The following CDC40 variants were observed in gnomAD, a reference collection of about 807,000 sequenced individuals.
CDC40 encodes pre-mRNA-processing factor 17.
A neutral mutation model predicts 80.6 loss-of-function variants in CDC40; 27 were observed. The ratio of observed to expected loss-of-function variants is 0.33; its 90% CI spans 0.25 to 0.46. CDC40 has a LOEUF of 0.46. Ranked by LOEUF, CDC40 falls within the 20% of genes least tolerant of loss-of-function variation. The pLI is 1.00. For synonymous variants in CDC40, 221 were observed against 232.6 expected (o/e 0.95, Z 0.45); for missense variants, 486 against 694.1 (o/e 0.70, Z 3.37).
chr6:110,216,569 G>T (rs1316005121), intron 9 of CDC40, among the ~76,000 whole-genome samples: 1 of 152,142 alleles, frequency 6.6e-6, no homozygotes, highest in Non-Finnish European at 1.5e-5. Flanking sequence ...CCTCCTGAAG[G>T]AGATGATAGA....
chr6:110,228,495 A>G (rs1368286538), intron 13 of CDC40, among the ~76,000 whole-genome samples: 1 of 152,074 alleles, frequency 6.6e-6, no homozygotes, highest in African/African-American at 2.4e-5. Context: ...TCTGTTGTCT[A>G]TACTTACTAT....
In CDC40 at chr6:110,230,006, A is replaced by G. The variant is rs1177147530; in HGVS notation, c.1615A>G (p.Thr539Ala). 6.2e-7 allele frequency: 1 copy of G among 1,612,180 alleles called. No homozygotes were observed. The highest frequency in any genetic ancestry group is 8.5e-7 in the Non-Finnish European group (1 of 1,178,600). ...AAAATTAAACATTTGGGACTGGAAGACCACAAAACTCTACAGTCGATTTAA... is the reference window on the plus strand; with the variant it reads ...AAAATTAAACATTTGGGACTGGAAGGCCACAAAACTCTACAGTCGATTTAA... Reference protein sequence around the residue: ...NGKLNIWDWKTTKLYSRFKAH... With the variant: ...NGKLNIWDWKATKLYSRFKAH... The change falls in exon 15 of 15, where the codon ACC becomes GCC. Residue 539 changes from threonine to alanine, a missense_variant. By Grantham distance (58) the Thr-to-Ala change is moderately conservative (BLOSUM62 0). This residue lies in a region of CDC40 where 88 missense variants were observed against 138.7 expected (regional missense o/e 0.63). Transcript: ENST00000307731.
chr6:110,217,870 A>T, intron 10 of CDC40, 67 bp downstream of exon 10: 1 of 825,062 alleles, frequency 1.2e-6, no homozygotes, highest in Non-Finnish European at 2.0e-6. Context: ...TGGTGTGAGT[A>T]GTCTTTTGTG....
chr6:110,186,068 T>C (rs557858672), intron 1 of CDC40, among the ~76,000 whole-genome samples: 2 of 152,318 alleles, frequency 1.3e-5, no homozygotes, highest in South Asian at 2.1e-4. Flanking sequence ...ACTCCTACTT[T>C]AGCTGTTGTT....
chr6:110,184,286 T>A (rs80094226), intron 1 of CDC40, among the ~76,000 whole-genome samples: 2 of 152,126 alleles, frequency 1.3e-5, no homozygotes, highest in Admixed American at 1.3e-4. Flanking sequence ...AAAGTTCTGC[T>A]AATACCCAGT....
At chr6:110,206,827 C>A (rs1777569328) in intron 3 of CDC40, among the ~76,000 whole-genome samples, 1 of 152,094 alleles carries the variant, frequency 6.6e-6, no homozygotes, top group Non-Finnish European at 1.5e-5. Flanking sequence ...TTCTAGATTT[C>A]CAAGTGCATC....
At chr6:110,219,323 C>A (rs1777738147) in intron 10 of CDC40, 41 bp from the exon 11 acceptor site, 1 of 938,410 alleles carries the variant, frequency 1.1e-6, no homozygotes, top group South Asian at 1.4e-5. Context: ...TTTAAGTGGT[C>A]AAATTTATTT....
At chr6:110,215,858 C>T (rs1013971300) in intron 9 of CDC40, among the ~76,000 whole-genome samples, 2 of 152,042 alleles carry the variant, frequency 1.3e-5, no homozygotes, top group African/African-American at 4.8e-5. Flanking sequence ...GCGCCTGAAC[C>T]AAAGCAGCAG....
intron 1 of CDC40, among the ~76,000 whole-genome samples, 195 bp from the exon 2 acceptor site, chr6:110,192,983 AAGTC>A (rs1482521341): frequency 3.9e-5 from 6 of 152,194 alleles, no homozygotes; most frequent in Non-Finnish European, 7.3e-5. Flanking sequence ...ATTGTTAATA[AAGTC>A]AGTATTTCAA....
At chr6:110,222,439 C>G (rs886253876) in intron 12 of CDC40, among the ~76,000 whole-genome samples, 1 of 152,010 alleles carries the variant, frequency 6.6e-6, no homozygotes, top group African/African-American at 2.4e-5. Context: ...CGCGTGTAAT[C>G]CCAGCTACTT....
At chr6:110,212,313 TAATG>T in intron 7 of CDC40, 41 bp downstream of exon 7, 1 of 1,599,436 alleles carries the variant, frequency 6.3e-7, no homozygotes, top group African/African-American at 1.3e-5. Context: ...AATGTTATAA[TAATG>T]AAGCCAACGT....
intron 1 of CDC40, among the ~76,000 whole-genome samples, chr6:110,187,298 A>G (rs1475877907): frequency 6.6e-6 from 1 of 152,252 alleles, no homozygotes; most frequent in Non-Finnish European, 1.5e-5. Context: ...GGTTACAAAA[A>G]CAAAAGCAGA....
In CDC40 at chr6:110,231,164, AGT is replaced by A. The variant is rs1295773181; in HGVS notation, c.*1035_*1036del. The stretch of plus-strand genomic sequence containing the variant: ...GCTAGGGTTCCCCAGTTTGAGAAGC[AGT>A]GGCCATGGTGAAAAATAGTTTTTGA... On this transcript the variant is annotated 3_prime_UTR_variant, in exon 15 of 15. Coordinates refer to ENST00000307731, the MANE Select transcript of CDC40 (RefSeq NM_015891.3). The A allele has an allele frequency of 1.3e-5, 2 of 152,210 alleles. No individual in the cohort carries two copies. Among genetic ancestry groups the A allele is most frequent in the Admixed American group, 1.3e-4 (2 of 15,278 alleles). The allele number at this position is 152,210 out of a possible 1,614,324, so 9.4% of individuals were successfully genotyped here. A position where few individuals can be genotyped will look rare whatever the true frequency, so the allele number is the denominator to read the frequency against.
chr6:110,196,820 A>T (rs371996250), intron 2 of CDC40, among the ~76,000 whole-genome samples: 4 of 145,644 alleles, frequency 2.7e-5, no homozygotes, highest in East Asian at 4.0e-4. Context: ...AATTGTGGGG[A>T]TCTTCTCTTA....
Position 110,180,542 on chromosome 6 carries a change from C to G in CDC40, c.98C>G (p.Ala33Gly). 1 of 1,614,150 alleles carries G rather than the reference C, an allele frequency of 6.2e-7. No individual in the cohort carries two copies. The highest frequency in any genetic ancestry group is 1.1e-5 in the South Asian group (1 of 91,088). Residue 33 changes from alanine (A) to glycine (G), a missense_variant, in exon 1 of 15, where the codon GCC becomes GGC. By Grantham distance (60) the Ala-to-Gly change is moderately conservative. This residue lies in a region of CDC40 where 381 missense variants were observed against 492.1 expected (regional missense o/e 0.77). Transcript: ENST00000307731. ...DSESSRCPLP[A>G]ADSLMHLTKS... ...GAGAGCAGTCGGTGTCCGCTGCCAG[C>G]CGCCGACTCCCTCATGCACTTGACT...
At chr6:110,211,242 A>C (rs571443795) in intron 6 of CDC40, 1 of 152,328 alleles carries the variant, frequency 6.6e-6, no homozygotes, top group South Asian at 2.1e-4. Flanking sequence ...TCGTGTGAAA[A>C]GATGGAGCTT....
chr6:110,214,156 C>T (rs1777671719), intron 8 of CDC40, among the ~76,000 whole-genome samples: 7 of 152,092 alleles, frequency 4.6e-5, no homozygotes, highest in Admixed American at 4.6e-4. Context: ...GACAGGCCAA[C>T]ATTTTGGAGT....
At chr6:110,193,322 A>T in intron 2 of CDC40, 54 bp downstream of exon 2, 1 of 1,027,878 alleles carries the variant, frequency 9.7e-7, no homozygotes, top group Non-Finnish European at 1.5e-6. Flanking sequence ...AAATCATAGT[A>T]GATAATTAGG....
chr6:110,219,831 G>C lies in CDC40; in HGVS notation c.1302G>C (p.Val434=), dbSNP rs1777745799. Residue 434 remains valine (V), a synonymous_variant, in exon 12 of 15, where the codon GTG becomes GTC. Coordinates refer to ENST00000307731, the MANE Select transcript of CDC40 (RefSeq NM_015891.3). ...IVFVDENRRF[V]STSDDKSLRV... is the part of the protein sequence containing the mutation. ...TTGTGGATGAGAATAGGAGATTTGT[G>C]AGCACATCTGATGATAAAAGCCTAA... The C allele has an allele frequency of 1.2e-6, 2 of 1,613,876 alleles. No homozygotes were observed. Among genetic ancestry groups the C allele is most frequent in the African/African-American group, 1.3e-5 (1 of 74,908 alleles).
Sources: allele counts gnomAD v4.1 joint callset (sites outside exome capture counted in the v4.1 genomes callset), GRCh38; gene constraint gnomAD v4.1.1; regional missense constraint gnomAD v4.1.1; transcripts MANE v1.5; gene names NCBI Gene and HGNC (gene_info 2026-07-23, HGNC 2026-07-21).